Variants in CFAP47 observed in about 807,000 individuals in gnomAD.
The protein encoded by CFAP47 is cilia- and flagella-associated protein 47.
Under a neutral mutation model 148.1 loss-of-function variants are expected in CFAP47, and 29 were observed. That is an observed-to-expected ratio of 0.20 (90% CI 0.15 to 0.27). The LOEUF (loss-of-function observed/expected upper bound fraction) is 0.27, where lower values mean the gene tolerates loss of function less well. Among genes scored for constraint, CFAP47 ranks in the 10% least tolerant of loss-of-function variants. The probability of loss-of-function intolerance (pLI) is 1.00; values close to 1 mark genes in which losing one functional copy is unlikely to be tolerated. For missense variants in CFAP47, 1,872 were observed against 1,697.5 expected (o/e 1.10, Z -1.81); for synonymous variants, 664 against 577.3 (o/e 1.15, Z -2.15).
chrX:36,257,115 T>C (rs371685041), intron 49 of CFAP47, among the ~76,000 whole-genome samples: 1 of 112,264 alleles, frequency 8.9e-6, no homozygotes, highest in Non-Finnish European at 1.9e-5. Context: ...AAGCAACAAA[T>C]ACAGTTTCAT....
chrX:36,001,769 A>G, intron 21 of CFAP47, 62 bp downstream of exon 21: 1 of 275,376 alleles, frequency 3.6e-6, no homozygotes, highest in Non-Finnish European at 6.4e-6. Context: ...CCAAAAACCT[A>G]TTAAAGATCA....
intron 49 of CFAP47, among the ~76,000 whole-genome samples, chrX:36,269,939 G>A (rs1460715869): frequency 1.8e-5 from 2 of 111,399 alleles, no homozygotes; most frequent in African/African-American, 6.5e-5. Context: ...GTTTTATTTT[G>A]TGCAAAATAA....
chrX:36,381,069 TTA>T (rs1269259445), intron 63 of CFAP47, among the ~76,000 whole-genome samples: 2 of 111,996 alleles, frequency 1.8e-5, no homozygotes, highest in Non-Finnish European at 3.8e-5. Flanking sequence ...TTTGAAACGT[TTA>T]AGAAATCATG....
chrX:36,147,264 C>A (rs1939249212), intron 36 of CFAP47, among the ~76,000 whole-genome samples: 2 of 111,536 alleles, frequency 1.8e-5, no homozygotes, highest in African/African-American at 6.5e-5. Context: ...TTAAAACTTT[C>A]TTTTGTTCCC....
intron 25 of CFAP47, 149 bp from the exon 26 acceptor site, chrX:36,046,705 A>G (rs1438973993): frequency 2.5e-6 from 1 of 407,847 alleles, no homozygotes; most frequent in Non-Finnish European, 4.2e-6. Flanking sequence ...ATAAGAGATG[A>G]TACAAAGATA....
At position 36,258,128 on chromosome X, in the gene CFAP47, A is replaced by G. The variant is rs141453694; in HGVS notation, c.7444+6684A>G. Among the ~76,000 whole-genome samples, 228 of 112,259 alleles carry G rather than the reference A, an allele frequency of 2.0e-3. 1 individual carries two copies. Among genetic ancestry groups the G allele is most frequent in the African/African-American group, 6.9e-3 (214 of 30,945 alleles). ...AAACTTTGTGCTTGTTTATGTATAGAGAACATTCATTTCTAAAAATTTGCA... is the reference window on the plus strand; with the variant it reads ...AAACTTTGTGCTTGTTTATGTATAGGGAACATTCATTTCTAAAAATTTGCA... On this transcript the variant is annotated intron_variant, in intron 49 of 63. Coordinates refer to ENST00000378653, the MANE Select transcript of CFAP47 (RefSeq NM_001304548.2).
rs184474627 is a variant in CFAP47, at chrX:35,939,070, G to A, written c.402-2213G>A. The stretch of plus-strand genomic sequence containing the variant: ...AGAGGAATTGTGAAAAATGGGCTGA[G>A]AAAACAAAATATGCATAGACCTCTT... On this transcript the variant is annotated intron_variant, in intron 2 of 63. Transcript: ENST00000378653. Among the ~76,000 whole-genome samples the A allele has an allele frequency of 7.1e-3, 787 of 111,078 alleles. 4 individuals carry two copies. Among genetic ancestry groups the A allele is most frequent in the Middle Eastern group, 0.019 (4 of 216 alleles).
intron 57 of CFAP47, among the ~76,000 whole-genome samples, chrX:36,324,943 T>C (rs1941505826): frequency 9.0e-6 from 1 of 111,603 alleles, no homozygotes; most frequent in African/African-American, 3.2e-5. Context: ...AATAACTTTT[T>C]ATGGGACTGT....
intron 15 of CFAP47, among the ~76,000 whole-genome samples, chrX:35,983,254 A>G (rs1023197386): frequency 3.6e-5 from 4 of 111,151 alleles, no homozygotes; most frequent in Non-Finnish European, 7.6e-5. Context: ...CAGCTTAGAC[A>G]TTGTTGTTGT....
chrX:36,094,679 C>T (rs1198517075), intron 30 of CFAP47, among the ~76,000 whole-genome samples: 1 of 110,971 alleles, frequency 9.0e-6, no homozygotes, highest in Non-Finnish European at 1.9e-5. Context: ...TCAGTTTTTT[C>T]ACTGTTGGCA....
At chrX:35,997,876 A>G (rs756429437) in intron 19 of CFAP47, among the ~76,000 whole-genome samples, 24 of 111,869 alleles carry the variant, frequency 2.1e-4, no homozygotes, top group African/African-American at 7.1e-4. Context: ...GTCATACTGC[A>G]TAATAGTTAT....
At chrX:36,322,534 C>T (rs1556012190) in intron 57 of CFAP47, among the ~76,000 whole-genome samples, 1 of 110,990 alleles carries the variant, frequency 9.0e-6, no homozygotes. Context: ...ATTTTAAATA[C>T]TACAATTAGT....
chrX:36,378,426 A>T (rs1456288716), intron 62 of CFAP47, among the ~76,000 whole-genome samples: 1 of 112,612 alleles, frequency 8.9e-6, no homozygotes, highest in Non-Finnish European at 1.9e-5. Context: ...AGGTATTATG[A>T]TAGCTTTGCT....
chrX:35,988,916 A>G (rs1936753224), intron 15 of CFAP47, among the ~76,000 whole-genome samples: 1 of 112,247 alleles, frequency 8.9e-6, no homozygotes, highest in African/African-American at 3.2e-5. Flanking sequence ...TGATGCTGAC[A>G]AGTAGTATTC....
At chrX:36,334,850 C>G (rs1246493396) in intron 57 of CFAP47, among the ~76,000 whole-genome samples, 3 of 110,023 alleles carry the variant, frequency 2.7e-5, no homozygotes, top group African/African-American at 9.9e-5. Flanking sequence ...TTTGCTTGTG[C>G]CTTTTGATCT....
intron 51 of CFAP47, among the ~76,000 whole-genome samples, chrX:36,287,927 T>G (rs1283283738): frequency 8.9e-6 from 1 of 112,040 alleles, no homozygotes; most frequent in Non-Finnish European, 1.9e-5. Context: ...ACTAAAATTG[T>G]GGTCCTCACT....
Position 35,975,143 on chromosome X carries a change from T to C in CFAP47, c.2255-4T>C, listed in dbSNP as rs1936549359. On this transcript the variant is annotated splice_region_variant and splice_polypyrimidine_tract_variant and intron_variant, in intron 13 of 63. Transcript: ENST00000378653. ...TTAACAAAATACTTTTCATTTTTTT[T>C]CAGGGCCTTCTGTCCTTAACTTTGG... 11 of 1,085,102 alleles carry C rather than the reference T, an allele frequency of 1.0e-5. No homozygotes were observed. Among genetic ancestry groups the C allele is most frequent in the Non-Finnish European group, 1.3e-5 (11 of 815,388 alleles). 89.4% of individuals were successfully genotyped at this position (1,085,102 alleles called of 1,213,427 possible).
intron 33 of CFAP47, among the ~76,000 whole-genome samples, chrX:36,133,798 T>TAAA (rs568711243): frequency 3.3e-5 from 3 of 89,625 alleles, no homozygotes; most frequent in African/African-American, 1.2e-4. Context: ...CATTGCAGTT[T>TAAA]AAAAAAAAAA....
At chrX:36,115,109 T>C (rs7884576) in intron 33 of CFAP47, among the ~76,000 whole-genome samples, 15,749 of 111,470 alleles carry the variant, frequency 0.14, 2,363 homozygotes, top group African/African-American at 0.45. Flanking sequence ...AGGAAACCTT[T>C]CCACAATCTC....
Sources: gnomAD v4.1 joint callset for allele counts (sites outside exome capture counted in the v4.1 genomes callset) on GRCh38, gnomAD v4.1.1 for gene constraint, MANE v1.5 for transcripts, NCBI Gene and HGNC (gene_info 2026-07-23, HGNC 2026-07-21) for gene names.